TIMD4: variants seen among roughly 807,000 people sequenced by gnomAD.
TIMD4 encodes T cell immunoglobulin and mucin domain containing 4.
A neutral mutation model predicts 41.2 loss-of-function variants in TIMD4; 31 were observed. The ratio of observed to expected loss-of-function variants is 0.75; its 90% CI spans 0.57 to 1.01. The LOEUF (loss-of-function observed/expected upper bound fraction) is 1.01, where lower values mean the gene tolerates loss of function less well. Ranked by LOEUF, TIMD4 falls within the 50% of genes least tolerant of loss-of-function variation. TIMD4 has a pLI of 0.00. For synonymous variants in TIMD4, 204 were observed against 177.1 expected, an observed-to-expected ratio of 1.15 and a Z score of -1.21; for missense variants, 479 against 472.5, an observed-to-expected ratio of 1.01 and a Z score of -0.13.
chr5:156,951,503 T>C lies in TIMD4; in HGVS notation c.679+9A>G. The C allele has an allele frequency of 6.2e-7, 1 of 1,613,924 alleles. No individual in the cohort carries two copies. On this transcript the variant is annotated intron_variant, in intron 3 of 8. Coordinates refer to ENST00000274532, the MANE Select transcript of TIMD4 (RefSeq NM_138379.3). ...ACTGTTCTAAGAAACCCAAGATACA[T>C]CTGCGTACCTGCAGTGAGGATGGGC... is the stretch of plus-strand genomic sequence containing the variant.
intron 5 of TIMD4, among the ~76,000 whole-genome samples, chr5:156,940,114 G>C (rs1034374594): frequency 6.6e-5 from 10 of 152,228 alleles, no homozygotes; most frequent in African/African-American, 1.2e-4. Context: ...GTGCCGCCAG[G>C]CCTGACTGGT....
At chr5:156,938,577 C>A (rs1474134751) in intron 5 of TIMD4, among the ~76,000 whole-genome samples, 2 of 152,120 alleles carry the variant, frequency 1.3e-5, no homozygotes. Context: ...TCTCTCCTCA[C>A]CCTCTTCTCT....
At chr5:156,921,449 C>T (rs973583338) in intron 7 of TIMD4, among the ~76,000 whole-genome samples, 2 of 151,260 alleles carry the variant, frequency 1.3e-5, no homozygotes, top group Non-Finnish European at 2.9e-5. Context: ...GGTGAAACCC[C>T]CTCCTACTAA....
intron 5 of TIMD4, among the ~76,000 whole-genome samples, chr5:156,932,305 C>T (rs1184301466): frequency 6.6e-6 from 1 of 152,120 alleles, no homozygotes; most frequent in Non-Finnish European, 1.5e-5. Context: ...GAGGCAAGAG[C>T]AAACTCTTGG....
Position 156,957,519 on chromosome 5 carries a change from A to AAAAAG in TIMD4, c.59-2764_59-2763insCTTTT, listed in dbSNP as rs1554084289. 2.7e-5 allele frequency among the ~76,000 whole-genome samples: 4 copies of AAAAAG among 150,632 alleles called. 1 individual carries two copies. Among genetic ancestry groups the AAAAAG allele is most frequent in the African/African-American group, 9.8e-5 (4 of 40,900 alleles). The stretch of plus-strand genomic sequence containing the variant: ...CAGAGCGAGAGTCTATCTCAAAAAA[A>AAAAAG]AAAAAGAAAAAAGAAAAAGAAAAAA... On this transcript the variant is annotated intron_variant, in intron 1 of 8. Coordinates refer to ENST00000274532, the MANE Select transcript of TIMD4 (RefSeq NM_138379.3).
At chr5:156,940,707 C>A (rs576580565) in intron 5 of TIMD4, among the ~76,000 whole-genome samples, 15 of 152,094 alleles carry the variant, frequency 9.9e-5, no homozygotes, top group Non-Finnish European at 1.9e-4. Flanking sequence ...TGAGGAGCCC[C>A]TCCGCCCGGC....
rs753438325 is a variant in TIMD4 at position 156,948,465 on chromosome 5, G to T, written c.795C>A (p.His265Gln). 1.3e-6 allele frequency: 2 copies of T among 1,557,010 alleles called. No homozygotes were observed. The highest frequency in any genetic ancestry group is 1.2e-5 in the South Asian group (1 of 80,748). The change falls in exon 5 of 9, where the codon CAC (histidine) becomes CAA (glutamine). Residue 265 changes from histidine to glutamine, a missense_variant. His to Gln is a conservative substitution (Grantham distance 24). Coordinates refer to ENST00000274532, the MANE Select transcript of TIMD4 (RefSeq NM_138379.3). The part of the protein sequence containing the change: ...SKVWDLPSTS[H>Q]VSMWKTSDSV... Reference sequence around the variant, plus strand: ...AATCACTCGTTTTCCACATTGACACGTGGGATGTTGATGGGAGATCCCAAA... The same window carrying T: ...AATCACTCGTTTTCCACATTGACACTTGGGATGTTGATGGGAGATCCCAAA...
At chr5:156,923,315 A>T (rs1422335883) in intron 6 of TIMD4, among the ~76,000 whole-genome samples, 1 of 151,398 alleles carries the variant, frequency 6.6e-6, no homozygotes, top group Non-Finnish European at 1.5e-5. Context: ...AGCCCGGCTA[A>T]TTTTTTTGTT....
intron 1 of TIMD4, among the ~76,000 whole-genome samples, chr5:156,960,959 A>G (rs889182528): frequency 6.6e-6 from 1 of 152,266 alleles, no homozygotes; most frequent in African/African-American, 2.4e-5. Context: ...GCCTGAATTA[A>G]GTAGGGACCT....
At chr5:156,951,401 C>T (rs981316967) in intron 3 of TIMD4, 111 bp downstream of exon 3, 63 of 1,307,758 alleles carry the variant, frequency 4.8e-5, no homozygotes, top group Admixed American at 2.7e-4. Flanking sequence ...GACTAATATA[C>T]GCATGTGTAC....
Position 156,954,410 on chromosome 5 carries a change from C to A in TIMD4, c.400+5G>T. ...CCGCAGGCATGAGGCCCTTCGTGTGCTTACCTCTCTGTAGATTCAGGCGCA... is the reference window on the plus strand; with the variant it reads ...CCGCAGGCATGAGGCCCTTCGTGTGATTACCTCTCTGTAGATTCAGGCGCA... On this transcript the variant is annotated splice_donor_5th_base_variant and intron_variant, in intron 2 of 8. Transcript: ENST00000274532. The A allele has an allele frequency of 6.2e-7, 1 of 1,610,638 alleles. No individual in the cohort carries two copies. Among genetic ancestry groups the A allele is most frequent in the Non-Finnish European group, 8.5e-7 (1 of 1,178,242 alleles).
chr5:156,961,271 C>A (rs767807927), intron 1 of TIMD4, among the ~76,000 whole-genome samples: 1 of 152,162 alleles, frequency 6.6e-6, no homozygotes, highest in Non-Finnish European at 1.5e-5. Flanking sequence ...AACTCTCGTA[C>A]GCTGTTGGTG....
In TIMD4 at chr5:156,954,443, C is replaced by G; in HGVS notation, c.372G>C (p.Lys124Asn). The G allele has an allele frequency of 6.2e-7, 1 of 1,614,106 alleles. No homozygotes were observed. Among genetic ancestry groups the G allele is most frequent in the East Asian group, 2.2e-5 (1 of 44,884 alleles). Reference protein sequence around the residue: ...IEVPGWFNDVKINVRLNLQRA... With the variant: ...IEVPGWFNDVNINVRLNLQRA... ...TCTGTAGATTCAGGCGCACGTTTAT[C>G]TTTACATCGTTGAACCAGCCAGGCA... Residue 124 changes from lysine to asparagine, a missense_variant, in exon 2 of 9, where the codon AAG becomes AAC. Lys to Asn is a moderately conservative substitution (Grantham distance 94). Coordinates refer to ENST00000274532, the MANE Select transcript of TIMD4 (RefSeq NM_138379.3).
rs141545360 is a variant in TIMD4 at position 156,926,677 on chromosome 5, T to C, written c.845-365A>G. ...ATAAATATTTACTGAGCACCTATTA[T>C]AGGCCATGCAGTGTGATAGCTATAC... On this transcript the variant is annotated intron_variant, in intron 5 of 8. Coordinates refer to ENST00000274532, the MANE Select transcript of TIMD4 (RefSeq NM_138379.3). Among the ~76,000 whole-genome samples, 60 of 152,366 alleles carry C rather than the reference T, an allele frequency of 3.9e-4. 1 individual carries two copies. The East Asian group carries it at 0.012, about 29-fold the overall frequency.
At chr5:156,955,423 G>A (rs1358337592) in intron 1 of TIMD4, among the ~76,000 whole-genome samples, 5 of 152,188 alleles carry the variant, frequency 3.3e-5, no homozygotes, top group African/African-American at 7.2e-5. Flanking sequence ...TTGGGAGGCC[G>A]AGGCAGGCGG....
intron 7 of TIMD4, among the ~76,000 whole-genome samples, chr5:156,921,160 A>T (rs1360824089): frequency 1.3e-5 from 2 of 152,254 alleles, no homozygotes; most frequent in East Asian, 1.9e-4. Context: ...GTGCAAGGTC[A>T]TGGAGCAGCT....
chr5:156,954,349 T>G, intron 2 of TIMD4, 66 bp downstream of exon 2: 1 of 1,462,332 alleles, frequency 6.8e-7, no homozygotes, highest in Non-Finnish European at 9.3e-7. Context: ...CACCATCCAC[T>G]GATCCCATTG....
At position 156,949,721 on chromosome 5, in the gene TIMD4, A is replaced by G. The variant is rs1426168000; in HGVS notation, c.690T>C (p.Thr230=). 1.2e-6 allele frequency: 2 copies of G among 1,612,620 alleles called. No individual in the cohort carries two copies. The highest frequency in any genetic ancestry group is 1.7e-5 in the Admixed American group (1 of 59,980). ...TACTCCAGGAATCACTGGGGAGGAC[A>G]GTTTCTGATTCTGGAAGAGAAAAAA... ...EGPILTAESE[T]VLPSDSWSSV... The change falls in exon 4 of 9, where the codon ACT becomes ACC. Residue 230 remains threonine, a synonymous_variant. Transcript: ENST00000274532.
chr5:156,930,326 A>G (rs934885101), intron 5 of TIMD4, among the ~76,000 whole-genome samples: 1 of 152,196 alleles, frequency 6.6e-6, no homozygotes, highest in Admixed American at 6.5e-5. Flanking sequence ...ATTGCCAGTG[A>G]AAAAAATGAG....
Sources: gnomAD v4.1 joint callset for allele counts (sites outside exome capture counted in the v4.1 genomes callset) on GRCh38, gnomAD v4.1.1 for gene constraint, MANE v1.5 for transcripts, NCBI Gene and HGNC (gene_info 2026-07-23, HGNC 2026-07-21) for gene names.